Variants in LRRTM4 observed in about 807,000 individuals in gnomAD.
LRRTM4 encodes leucine rich repeat transmembrane neuronal 4.
LRRTM4 carries 25 observed loss-of-function variants against 47.6 expected under a neutral mutation model. That is an observed-to-expected ratio of 0.53 (90% CI 0.38 to 0.73). The LOEUF (loss-of-function observed/expected upper bound fraction) is 0.73, where lower values mean the gene tolerates loss of function less well. Ranked by LOEUF, LRRTM4 falls within the 30% of genes least tolerant of loss-of-function variation. The pLI is 0.00. For missense variants in LRRTM4, 638 were observed against 713.4 expected (o/e 0.89, Z 1.20); for synonymous variants, 311 against 269.5 (o/e 1.15, Z -1.51).
intron 3 of LRRTM4, among the ~76,000 whole-genome samples, chr2:77,371,547 A>G (rs568024667): frequency 9.2e-5 from 14 of 151,674 alleles, no homozygotes; most frequent in African/African-American, 3.1e-4. Flanking sequence ...CTCTTTATCT[A>G]TTACACTTTT....
chr2:76,864,579 TG>T (rs1320429988), intron 3 of LRRTM4, among the ~76,000 whole-genome samples: 1 of 150,650 alleles, frequency 6.6e-6, no homozygotes, highest in Non-Finnish European at 1.5e-5. Flanking sequence ...ATTGCTTGAA[TG>T]TAGGAGGTGG....
At chr2:76,991,273 GAAGAA>G (rs1392531105) in intron 3 of LRRTM4, among the ~76,000 whole-genome samples, 1 of 151,574 alleles carries the variant, frequency 6.6e-6, no homozygotes. Context: ...AAAGCTAACA[GAAGAA>G]AAGAAATAAC....
chr2:76,902,454 C>A (rs1673670859), intron 3 of LRRTM4, among the ~76,000 whole-genome samples: 1 of 152,010 alleles, frequency 6.6e-6, no homozygotes, highest in Non-Finnish European at 1.5e-5. Flanking sequence ...TGTGTCAGGC[C>A]ACCTTACCAT....
intron 3 of LRRTM4, among the ~76,000 whole-genome samples, chr2:76,778,738 G>C (rs909257315): frequency 2.7e-5 from 4 of 150,396 alleles, no homozygotes; most frequent in African/African-American, 9.8e-5. Context: ...TTTTTTGAAG[G>C]GTTTTTTGTG....
chr2:76,834,005 T>C lies in LRRTM4; in HGVS notation c.1552-85089A>G, dbSNP rs948918060. Among the ~76,000 whole-genome samples, 7 of 144,504 alleles carry C rather than the reference T, an allele frequency of 4.8e-5. No individual in the cohort carries two copies. The Admixed American group carries it at 4.9e-4, about 10-fold the overall frequency. 94.8% of individuals were successfully genotyped at this position (144,504 alleles called of 152,430 possible). On this transcript the variant is annotated intron_variant, in intron 3 of 3. Coordinates refer to ENST00000409884, the MANE Select transcript of LRRTM4 (RefSeq NM_001134745.3). The stretch of plus-strand genomic sequence containing the variant: ...CAGGACTTAGTGGAGCAAGCCCTTG[T>C]TTTTCATTTATTTATTATTTATTTA...
chr2:77,312,538 A>G (rs1677485646), intron 3 of LRRTM4, among the ~76,000 whole-genome samples: 1 of 152,168 alleles, frequency 6.6e-6, no homozygotes, highest in South Asian at 2.1e-4. Context: ...ATAAATATTC[A>G]TTGTATTTAT....
At chr2:77,068,463 C>A (rs1402972569) in intron 3 of LRRTM4, among the ~76,000 whole-genome samples, 1 of 152,156 alleles carries the variant, frequency 6.6e-6, no homozygotes, top group Non-Finnish European at 1.5e-5. Flanking sequence ...ATTTCTCATG[C>A]TCTCTCAATG....
chr2:76,836,925 AT>A (rs1176381878), intron 3 of LRRTM4, among the ~76,000 whole-genome samples: 3 of 152,172 alleles, frequency 2.0e-5, no homozygotes, highest in Non-Finnish European at 4.4e-5. Flanking sequence ...TTTCACAAAA[AT>A]TTAGTTACTA....
At chr2:77,072,627 G>A (rs942491953) in intron 3 of LRRTM4, among the ~76,000 whole-genome samples, 8 of 151,786 alleles carry the variant, frequency 5.3e-5, no homozygotes, top group East Asian at 2.0e-4. Context: ...ACGAAATCCC[G>A]TCTGTACTAG....
At chr2:77,253,533 A>G (rs1675679928) in intron 3 of LRRTM4, among the ~76,000 whole-genome samples, 1 of 152,126 alleles carries the variant, frequency 6.6e-6, no homozygotes, top group Non-Finnish European at 1.5e-5. Flanking sequence ...TCATAATTTA[A>G]TTTTTAAAAA....
Position 77,097,046 on chromosome 2 carries a change from C to T in LRRTM4, c.1552-348130G>A, listed in dbSNP as rs140283697. ...AACATTTGAAAGCAAAGGAAAAATACATGCCAGGTTAATACTAATCAATGA... is the reference window on the plus strand; with the variant it reads ...AACATTTGAAAGCAAAGGAAAAATATATGCCAGGTTAATACTAATCAATGA... On this transcript the variant is annotated intron_variant, in intron 3 of 3. Coordinates refer to ENST00000409884, the MANE Select transcript of LRRTM4 (RefSeq NM_001134745.3). 1.1e-3 allele frequency among the ~76,000 whole-genome samples: 167 copies of T among 151,870 alleles called. 2 individuals are homozygous for T. In the East Asian group the frequency reaches 0.032, roughly 29 times the overall value.
chr2:77,019,421 A>G (rs1008421431), intron 3 of LRRTM4, among the ~76,000 whole-genome samples: 4 of 152,072 alleles, frequency 2.6e-5, no homozygotes, highest in African/African-American at 9.7e-5. Context: ...GGTTTTAATC[A>G]CAAATTTCTA....
intron 3 of LRRTM4, among the ~76,000 whole-genome samples, chr2:77,193,755 C>T (rs551173539): frequency 5.5e-4 from 83 of 152,110 alleles, no homozygotes; most frequent in African/African-American, 1.7e-3. Flanking sequence ...CCGGCCTGGG[C>T]AATAAGAGTG....
chr2:76,808,280 A>C (rs906464273), intron 3 of LRRTM4, among the ~76,000 whole-genome samples: 5 of 152,058 alleles, frequency 3.3e-5, no homozygotes, highest in African/African-American at 1.2e-4. Context: ...GACCTCCCAA[A>C]GTGCTGGAGT....
intron 3 of LRRTM4, among the ~76,000 whole-genome samples, chr2:77,235,029 AGC>A (rs1429316301): frequency 6.6e-6 from 1 of 152,134 alleles, no homozygotes; most frequent in Non-Finnish European, 1.5e-5. Flanking sequence ...AATGGCCTTC[AGC>A]TGCATCCATA....
At chr2:77,385,933 T>C (rs1206906692) in intron 3 of LRRTM4, among the ~76,000 whole-genome samples, 1 of 151,430 alleles carries the variant, frequency 6.6e-6, no homozygotes, top group African/African-American at 2.4e-5. Flanking sequence ...TATTTTTTAT[T>C]TTTAGCAGAG....
intron 3 of LRRTM4, among the ~76,000 whole-genome samples, chr2:77,248,162 TG>T (rs1480729230): frequency 6.6e-6 from 1 of 151,180 alleles, no homozygotes; most frequent in Non-Finnish European, 1.5e-5. Context: ...AATATATAAA[TG>T]TATATATATG....
chr2:77,506,089 T>A (rs1258049845), intron 3 of LRRTM4, among the ~76,000 whole-genome samples: 1 of 151,620 alleles, frequency 6.6e-6, no homozygotes, highest in Non-Finnish European at 1.5e-5. Context: ...TTGTAAACTA[T>A]AATAGTGTTT....
chr2:76,839,378 G>A (rs1671608190), intron 3 of LRRTM4, among the ~76,000 whole-genome samples: 1 of 152,066 alleles, frequency 6.6e-6, no homozygotes, highest in Non-Finnish European at 1.5e-5. Context: ...TTTTATAACT[G>A]AAAATATTTT....
Sources: allele counts gnomAD v4.1 joint callset (sites outside exome capture counted in the v4.1 genomes callset), GRCh38; gene constraint gnomAD v4.1.1; transcripts MANE v1.5; gene names NCBI Gene and HGNC (gene_info 2026-07-23, HGNC 2026-07-21).